PDZRN4: variants seen among roughly 807,000 people sequenced by gnomAD.
PDZRN4 encodes PDZ domain containing ring finger 4.
In PDZRN4, 70 loss-of-function variants were observed where a neutral mutation model predicts 99.0. That is an observed-to-expected ratio of 0.71 (90% CI 0.58 to 0.86). The LOEUF (loss-of-function observed/expected upper bound fraction) is 0.86. Among genes scored for constraint, PDZRN4 ranks in the 40% least tolerant of loss-of-function variants. The probability of loss-of-function intolerance (pLI) is 0.00; values close to 1 mark genes in which losing one functional copy is unlikely to be tolerated. For synonymous variants in PDZRN4, 551 were observed against 501.6 expected (o/e 1.10, Z -1.32); for missense variants, 1,474 against 1,331.2 (o/e 1.11, Z -1.67).
chr12:41,361,187 C>T (rs1047043163), intron 3 of PDZRN4, among the ~76,000 whole-genome samples: 2 of 151,912 alleles, frequency 1.3e-5, no homozygotes, highest in African/African-American at 4.8e-5. Flanking sequence ...AGAATAATCG[C>T]TCAGTAGAGA....
rs181864943 is a variant in PDZRN4 at position 41,238,633 on chromosome 12, A to G, written c.843+44445A>G. Among the ~76,000 whole-genome samples the G allele has an allele frequency of 7.9e-5, 12 of 152,256 alleles. No homozygotes were observed. The East Asian group carries it at 1.4e-3, about 17-fold the overall frequency. On this transcript the variant is annotated intron_variant, in intron 3 of 9. Coordinates refer to ENST00000402685, the MANE Select transcript of PDZRN4 (RefSeq NM_001164595.2). ...AAAAGCACAAGAAAAAAAGCTCAAC[A>G]TCACTGATCATTAGAGAAATTCCAA...
intron 3 of PDZRN4, among the ~76,000 whole-genome samples, chr12:41,447,598 A>G (rs182348315): frequency 1.3e-5 from 2 of 152,246 alleles, no homozygotes; most frequent in East Asian, 3.9e-4. Flanking sequence ...GGCATTACAT[A>G]AATGGTAATT....
At chr12:41,519,752 C>T (rs955257845) in intron 5 of PDZRN4, among the ~76,000 whole-genome samples, 1 of 152,016 alleles carries the variant, frequency 6.6e-6, no homozygotes, top group African/African-American at 2.4e-5. Flanking sequence ...TTGAAATTTG[C>T]GTTTTACCTC....
At chr12:41,206,026 A>C (rs542789780) in intron 3 of PDZRN4, among the ~76,000 whole-genome samples, 81 of 152,076 alleles carry the variant, frequency 5.3e-4, no homozygotes, top group Non-Finnish European at 8.7e-4. Flanking sequence ...GTAAGTGTTC[A>C]TTCTTATAGC....
Position 41,191,639 on chromosome 12 carries a change from T to C in PDZRN4, c.735+95T>C. 4 of 589,636 alleles carry C rather than the reference T, an allele frequency of 6.8e-6. No homozygotes were observed. The South Asian group carries it at 9.9e-5, about 15-fold the overall frequency. 36.5% of individuals were successfully genotyped at this position (589,636 alleles called of 1,614,324 possible). On this transcript the variant is annotated intron_variant, in intron 2 of 9. Coordinates refer to ENST00000402685, the MANE Select transcript of PDZRN4 (RefSeq NM_001164595.2). ...ATAAAATAATAGAGGACTTAGCTTT[T>C]GTTTGTGGATTTTGAGTAAGAAAAA...
chr12:41,266,444 T>C (rs1288248549), intron 3 of PDZRN4, among the ~76,000 whole-genome samples: 1 of 152,202 alleles, frequency 6.6e-6, no homozygotes, highest in Non-Finnish European at 1.5e-5. Flanking sequence ...TATTGGGAGC[T>C]GGACTGCAAT....
intron 3 of PDZRN4, among the ~76,000 whole-genome samples, chr12:41,194,932 A>G (rs774034166): frequency 2.6e-5 from 4 of 152,210 alleles, no homozygotes; most frequent in African/African-American, 4.8e-5. Context: ...AATAAATTAT[A>G]CAATACTTTT....
At chr12:41,553,910 A>G (rs1467168750) in intron 6 of PDZRN4, among the ~76,000 whole-genome samples, 1 of 152,018 alleles carries the variant, frequency 6.6e-6, no homozygotes, top group Non-Finnish European at 1.5e-5. Flanking sequence ...TTTCTCAACT[A>G]CAAGGTGAGT....
At chr12:41,426,937 T>C (rs982904318) in intron 3 of PDZRN4, among the ~76,000 whole-genome samples, 2 of 152,324 alleles carry the variant, frequency 1.3e-5, no homozygotes, top group East Asian at 3.9e-4. Flanking sequence ...GGAATTGAGC[T>C]TGTGCACTTG....
intron 7 of PDZRN4, among the ~76,000 whole-genome samples, chr12:41,562,004 C>T (rs1350263159): frequency 1.3e-5 from 2 of 152,072 alleles, no homozygotes; most frequent in African/African-American, 4.8e-5. Context: ...GTATTTATGA[C>T]AAACCGCAAC....
In PDZRN4 at chr12:41,429,244, G is replaced by A. The variant is rs148376744; in HGVS notation, c.844-77212G>A. On this transcript the variant is annotated intron_variant, in intron 3 of 9. Transcript: ENST00000402685. The stretch of plus-strand genomic sequence containing the variant: ...TAGCTGTTGATTATTCCTTAAAACA[G>A]AGATGTAAAATGACTGCCCTAATAT... Among the ~76,000 whole-genome samples the A allele has an allele frequency of 2.0e-5, 3 of 152,234 alleles. No homozygotes were observed. The East Asian group carries it at 5.8e-4, about 29-fold the overall frequency.
chr12:41,379,272 T>C (rs1224111557), intron 3 of PDZRN4, among the ~76,000 whole-genome samples: 2 of 149,162 alleles, frequency 1.3e-5, no homozygotes, highest in East Asian at 1.9e-4. Context: ...TTTTGGTTGG[T>C]CTAGGTAAAG....
intron 3 of PDZRN4, among the ~76,000 whole-genome samples, chr12:41,432,801 G>A (rs1483910445): frequency 6.6e-6 from 1 of 152,170 alleles, no homozygotes; most frequent in Admixed American, 6.5e-5. Context: ...TTAATTTGTG[G>A]GGTTTCCAAA....
intron 3 of PDZRN4, among the ~76,000 whole-genome samples, chr12:41,451,768 T>C (rs1952775766): frequency 6.6e-6 from 1 of 152,174 alleles, no homozygotes; most frequent in Non-Finnish European, 1.5e-5. Flanking sequence ...CCCTCTGGTG[T>C]CCTGGAGCAC....
At chr12:41,466,751 GT>G (rs61259671) in intron 3 of PDZRN4, among the ~76,000 whole-genome samples, 6,737 of 122,134 alleles carry the variant, frequency 0.055, 336 homozygotes, top group African/African-American at 0.16. Context: ...TATTTCCAGT[GT>G]TTTTTTTTTT....
intron 3 of PDZRN4, among the ~76,000 whole-genome samples, chr12:41,368,878 C>A (rs142476039): frequency 1.5e-3 from 223 of 152,050 alleles, no homozygotes; most frequent in African/African-American, 5.0e-3. Context: ...TCTGGCTGCA[C>A]GTTTCTTATG....
chr12:41,399,634 G>A (rs1298096289), intron 3 of PDZRN4, among the ~76,000 whole-genome samples: 1 of 151,984 alleles, frequency 6.6e-6, no homozygotes, highest in Non-Finnish European at 1.5e-5. Flanking sequence ...TACCTGGGAG[G>A]CTGAGGCAGG....
chr12:41,361,021 A>G (rs1483184443), intron 3 of PDZRN4, among the ~76,000 whole-genome samples: 1 of 152,024 alleles, frequency 6.6e-6, no homozygotes, highest in African/African-American at 2.4e-5. Flanking sequence ...TATGCAATAT[A>G]TACAAATGCA....
chr12:41,537,559 A>G (rs1422249091), intron 5 of PDZRN4, among the ~76,000 whole-genome samples: 1 of 151,952 alleles, frequency 6.6e-6, no homozygotes, highest in Non-Finnish European at 1.5e-5. Context: ...GATTTGGGGG[A>G]AATGTTGTTT....
Sources: gnomAD v4.1 joint callset for allele counts (sites outside exome capture counted in the v4.1 genomes callset) on GRCh38, gnomAD v4.1.1 for gene constraint, MANE v1.5 for transcripts, NCBI Gene and HGNC (gene_info 2026-07-23, HGNC 2026-07-21) for gene names.